Variants in ANK3 observed in about 807,000 individuals in gnomAD.
The protein encoded by ANK3 is ankyrin-3.
ANK3 carries 57 observed loss-of-function variants against 370.9 expected under a neutral mutation model. The observed-to-expected ratio is 0.15, with a 90% CI of 0.12 to 0.19. ANK3 has a LOEUF of 0.19. Among genes scored for constraint, ANK3 ranks in the 10% least tolerant of loss-of-function variants. ANK3 has a pLI of 1.00. For missense variants in ANK3, 4,439 were observed against 5,302.1 expected, an observed-to-expected ratio of 0.84 and a Z score of 5.06; for synonymous variants, 1,929 against 1,946.3, an observed-to-expected ratio of 0.99 and a Z score of 0.23.
intron 25 of ANK3, among the ~76,000 whole-genome samples, chr10:60,129,442 C>A (rs2093946807): frequency 6.6e-6 from 1 of 152,034 alleles, no homozygotes. Context: ...AGGAACTGAG[C>A]AATCGTCTTT....
chr10:60,321,674 A>T (rs558647753), intron 1 of ANK3, among the ~76,000 whole-genome samples: 1 of 152,350 alleles, frequency 6.6e-6, no homozygotes, highest in South Asian at 2.1e-4. Context: ...TAGAGAGGTC[A>T]TATAACTTTG....
intron 29 of ANK3, among the ~76,000 whole-genome samples, chr10:60,087,736 G>T (rs1589800600): frequency 6.6e-6 from 1 of 152,058 alleles, no homozygotes; most frequent in African/African-American, 2.4e-5. Flanking sequence ...ACCAAATCAA[G>T]TTCCAACTGG....
At chr10:60,140,489 T>C (rs2094514929) in intron 23 of ANK3, 1 of 1,573,396 alleles carries the variant, frequency 6.4e-7, no homozygotes, top group Non-Finnish European at 8.6e-7. Flanking sequence ...ATCCACTCTC[T>C]TCACCACCGC....
At chr10:60,399,692 T>C (rs1303115963) in intron 2 of ANK3, among the ~76,000 whole-genome samples, 1 of 152,170 alleles carries the variant, frequency 6.6e-6, no homozygotes, top group Non-Finnish European at 1.5e-5. Flanking sequence ...CAAGAAAGCT[T>C]GCACTAAACT....
At chr10:60,522,858 A>C (rs921997589) in intron 2 of ANK3, among the ~76,000 whole-genome samples, 1 of 152,152 alleles carries the variant, frequency 6.6e-6, no homozygotes, top group Admixed American at 6.6e-5. Context: ...CATTACAACC[A>C]GTTCAAATAG....
intron 1 of ANK3, among the ~76,000 whole-genome samples, chr10:60,315,741 TCTAA>T (rs2047275446): frequency 6.6e-6 from 1 of 152,176 alleles, no homozygotes; most frequent in Non-Finnish European, 1.5e-5. Flanking sequence ...TGCCACTCTC[TCTAA>T]CTTCTTCCTC....
At chr10:60,395,762 T>G (rs2063225394) in intron 2 of ANK3, among the ~76,000 whole-genome samples, 2 of 152,210 alleles carry the variant, frequency 1.3e-5, no homozygotes, top group South Asian at 4.1e-4. Flanking sequence ...CTGGTCACTG[T>G]GTTCAGCACC....
chr10:60,193,571 C>T (rs1410620898), intron 16 of ANK3, among the ~76,000 whole-genome samples: 1 of 151,670 alleles, frequency 6.6e-6, no homozygotes, highest in East Asian at 1.9e-4. Flanking sequence ...AGGAGAATTG[C>T]TTCAACCTGG....
intron 1 of ANK3, among the ~76,000 whole-genome samples, chr10:60,638,047 T>A (rs1286907292): frequency 1.3e-5 from 2 of 152,122 alleles, no homozygotes; most frequent in African/African-American, 4.8e-5. Flanking sequence ...CAGTCGGAAA[T>A]AATTCCAATT....
At chr10:60,465,508 CTG>C (rs1388166835) in intron 2 of ANK3, among the ~76,000 whole-genome samples, 1 of 152,086 alleles carries the variant, frequency 6.6e-6, no homozygotes, top group Non-Finnish European at 1.5e-5. Context: ...GGGCAGGAAA[CTG>C]TACAATTCAA....
chr10:60,592,024 G>T (rs186338281), intron 2 of ANK3, among the ~76,000 whole-genome samples: 124 of 152,272 alleles, frequency 8.1e-4, no homozygotes, highest in African/African-American at 2.9e-3. Context: ...GCACAACAGG[G>T]TGACTATAGT....
chr10:60,416,542 G>A (rs1332115916), intron 2 of ANK3, among the ~76,000 whole-genome samples: 1 of 152,172 alleles, frequency 6.6e-6, no homozygotes, highest in Non-Finnish European at 1.5e-5. Flanking sequence ...GTGGTGCTTG[G>A]TGAGTTGTGG....
chr10:60,450,882 G>A (rs937152719), intron 2 of ANK3, among the ~76,000 whole-genome samples: 3 of 150,626 alleles, frequency 2.0e-5, no homozygotes, highest in African/African-American at 7.4e-5. Flanking sequence ...CTCCTGCAGT[G>A]GGTTAAATAC....
intron 28 of ANK3, among the ~76,000 whole-genome samples, chr10:60,100,993 C>T (rs1013583427): frequency 6.6e-6 from 1 of 152,140 alleles, no homozygotes. Flanking sequence ...GTTGCCCAGG[C>T]TGAGCTCCTG....
At chr10:60,222,291 G>A (rs767108063) in intron 8 of ANK3, among the ~76,000 whole-genome samples, 2 of 152,228 alleles carry the variant, frequency 1.3e-5, no homozygotes, top group African/African-American at 2.4e-5. Flanking sequence ...AGTGGAAAAC[G>A]AGTGCCTAGG....
Position 60,261,824 on chromosome 10 carries a change from T to A in ANK3, c.798+35A>T, listed in dbSNP as rs757044320. The A allele has an allele frequency of 1.0e-5, 16 of 1,575,404 alleles. No homozygotes were observed. The African/African-American group carries it at 2.2e-4, about 21-fold the overall frequency. Reference sequence around the variant, plus strand: ...AAAGAGAGTATAAAATAGTTGCAAATGCTTTAAAGGTATTACACATTGCTG... The same window carrying A: ...AAAGAGAGTATAAAATAGTTGCAAAAGCTTTAAAGGTATTACACATTGCTG... On this transcript the variant is annotated intron_variant, in intron 7 of 43. Coordinates refer to ENST00000280772, the MANE Select transcript of ANK3 (RefSeq NM_020987.5).
At position 60,166,615 on chromosome 10, in the gene ANK3, C is replaced by A. The variant is rs775014916; in HGVS notation, c.2590G>T (p.Glu864Ter). 1 of 1,613,598 alleles carries A rather than the reference C, an allele frequency of 6.2e-7. No homozygotes were observed. Among genetic ancestry groups the A allele is most frequent in the Non-Finnish European group, 8.5e-7 (1 of 1,179,802 alleles). Residue 864 changes from glutamate to a stop codon, truncating the protein, a stop_gained, in exon 23 of 44, where the codon GAA becomes TAA. Transcript: ENST00000280772. LOFTEE classifies it high-confidence loss of function. ...ANAPEMLSDG[E>*]YISDVEEGED... ...CCTTCTTCAACATCTGAGATATATT[C>A]GCCATCACTGAGCATTTCAGGGGCA...
chr10:60,102,027 C>T (rs915707141), intron 28 of ANK3, among the ~76,000 whole-genome samples: 4 of 151,736 alleles, frequency 2.6e-5, no homozygotes, highest in Non-Finnish European at 4.4e-5. Context: ...AATCTATTTA[C>T]TGTTTCCGGG....
chr10:60,614,119 G>A (rs1323713880), intron 2 of ANK3, among the ~76,000 whole-genome samples: 1 of 152,106 alleles, frequency 6.6e-6, no homozygotes, highest in Non-Finnish European at 1.5e-5. Flanking sequence ...TAGCGAATAT[G>A]TTACAGAAAC....
Sources: gnomAD v4.1 joint callset for allele counts (sites outside exome capture counted in the v4.1 genomes callset) on GRCh38, gnomAD v4.1.1 for gene constraint, MANE v1.5 for transcripts, NCBI Gene and HGNC (gene_info 2026-07-23, HGNC 2026-07-21) for gene names.